The following PDS5B variants were observed in gnomAD, a reference collection of about 807,000 sequenced individuals.
PDS5B encodes the protein sister chromatid cohesion protein PDS5 homolog B.
PDS5B carries 51 observed loss-of-function variants against 184.1 expected under a neutral mutation model. The ratio of observed to expected loss-of-function variants is 0.28; its 90% CI spans 0.22 to 0.35. The LOEUF is 0.35. PDS5B is among the 10% of genes least tolerant of loss of function. The pLI, the probability that PDS5B is intolerant of heterozygous loss-of-function variation, is 1.00. For missense variants in PDS5B, 1,180 were observed against 1,723.3 expected (o/e 0.68, Z 5.58); for synonymous variants, 566 against 569.2 (o/e 0.99, Z 0.08).
chr13:32,700,372 A>G (rs1170053465), intron 16 of PDS5B, among the ~76,000 whole-genome samples: 1 of 152,164 alleles, frequency 6.6e-6, no homozygotes, highest in Admixed American at 6.5e-5. Context: ...GCTAATCACC[A>G]GTAATGAGAG....
chr13:32,768,484 A>G (rs995426309), intron 31 of PDS5B, among the ~76,000 whole-genome samples: 1 of 152,090 alleles, frequency 6.6e-6, no homozygotes, highest in Non-Finnish European at 1.5e-5. Flanking sequence ...GCCACAATTC[A>G]GTCCAAAGCA....
At chr13:32,747,204 A>C (rs1953779262) in intron 24 of PDS5B, among the ~76,000 whole-genome samples, 1 of 152,212 alleles carries the variant, frequency 6.6e-6, no homozygotes, top group Non-Finnish European at 1.5e-5. Context: ...TCACATTAGT[A>C]AATAAAATAC....
intron 30 of PDS5B, chr13:32,763,375 A>G (rs966118596): frequency 2.0e-5 from 3 of 152,894 alleles, no homozygotes; most frequent in East Asian, 1.9e-4. Flanking sequence ...TCAGCGAATC[A>G]TAATCTATGG....
At chr13:32,742,497 A>G (rs1953594233) in intron 22 of PDS5B, 94 bp from the exon 23 acceptor site, 2 of 969,662 alleles carry the variant, frequency 2.1e-6, no homozygotes, top group African/African-American at 1.7e-5. Flanking sequence ...CTTAAAAAGC[A>G]TCCATTAAAT....
At chr13:32,749,523 A>G (rs1953894402) in intron 24 of PDS5B, among the ~76,000 whole-genome samples, 1 of 152,178 alleles carries the variant, frequency 6.6e-6, no homozygotes, top group Non-Finnish European at 1.5e-5. Flanking sequence ...ATATTTTAGA[A>G]CTTGGAATTC....
chr13:32,602,081 T>C (rs1204659547), intron 1 of PDS5B, among the ~76,000 whole-genome samples: 2 of 152,104 alleles, frequency 1.3e-5, no homozygotes, highest in Admixed American at 6.5e-5. Context: ...TTCTTTTTTT[T>C]TTAAATCCTT....
intron 17 of PDS5B, among the ~76,000 whole-genome samples, chr13:32,702,458 A>G (rs1454943078): frequency 6.6e-6 from 1 of 152,194 alleles, no homozygotes. Flanking sequence ...AGGTACTGGC[A>G]AAGCATAGTG....
chr13:32,728,976 C>T (rs373226018), intron 19 of PDS5B, among the ~76,000 whole-genome samples: 13 of 152,124 alleles, frequency 8.5e-5, no homozygotes, highest in African/African-American at 2.9e-4. Context: ...ATGTGCAGAA[C>T]GTGGAGGTTT....
At chr13:32,633,756 A>G (rs1643972808) in intron 1 of PDS5B, among the ~76,000 whole-genome samples, 2 of 152,202 alleles carry the variant, frequency 1.3e-5, no homozygotes, top group Admixed American at 1.3e-4. Context: ...TACAAGGTAC[A>G]TAACTTTGTA....
At chr13:32,640,890 TA>T (rs1035573872) in intron 1 of PDS5B, among the ~76,000 whole-genome samples, 50 of 150,670 alleles carry the variant, frequency 3.3e-4, no homozygotes, top group Non-Finnish European at 6.1e-4. Flanking sequence ...CCATCTCTAC[TA>T]AAAAAAATAC....
chr13:32,648,044 G>A (rs1225253231), intron 1 of PDS5B, among the ~76,000 whole-genome samples: 3 of 152,214 alleles, frequency 2.0e-5, no homozygotes, highest in Admixed American at 6.5e-5. Flanking sequence ...CCCAGCAAGT[G>A]TGCAGGCCCA....
At chr13:32,774,277 A>C (rs1045954818) in intron 34 of PDS5B, among the ~76,000 whole-genome samples, 2 of 152,230 alleles carry the variant, frequency 1.3e-5, no homozygotes, top group Non-Finnish European at 2.9e-5. Context: ...TGTCCTGTTT[A>C]ATGGAATCAG....
rs1953147556 is a variant in PDS5B at position 32,732,234 on chromosome 13, A to G, written c.2247+10A>G. 1 of 1,588,702 alleles carries G rather than the reference A, an allele frequency of 6.3e-7. No homozygotes were observed. Among genetic ancestry groups the G allele is most frequent in the Admixed American group, 1.7e-5 (1 of 57,464 alleles). ...TGCACAGATATTTGAGGTAATGAGA[A>G]AAAAATTTTCTTGTTTATTTCATAT... is the stretch of plus-strand genomic sequence containing the variant. On this transcript the variant is annotated intron_variant, in intron 20 of 34. Transcript: ENST00000315596.
At chr13:32,766,077 T>C (rs1954577680) in intron 31 of PDS5B, among the ~76,000 whole-genome samples, 3 of 152,250 alleles carry the variant, frequency 2.0e-5, no homozygotes, top group Admixed American at 2.0e-4. Flanking sequence ...AAAGGTATTA[T>C]GTCTTCTTAG....
Position 32,764,580 on chromosome 13 carries a change from T to C in PDS5B, c.3610T>C (p.Ser1204Pro). The C allele has an allele frequency of 6.3e-7, 1 of 1,578,068 alleles. No individual in the cohort carries two copies. Among genetic ancestry groups the C allele is most frequent in the Non-Finnish European group, 8.7e-7 (1 of 1,152,364 alleles). The change falls in exon 31 of 35, where the codon TCT becomes CCT. Residue 1204 changes from serine (S) to proline (P), a missense_variant. Coordinates refer to ENST00000315596, the MANE Select transcript of PDS5B (RefSeq NM_015032.4). ...PGKKSDKRDD[S>P]DLVRSELEKP... is the part of the protein sequence containing the mutation. ...GAAAAAAAGTGACAAGAGAGACGAC[T>C]CTGATCTTGTAAGGGTGAGATATTT...
chr13:32,688,101 G>A (rs1289895742), intron 12 of PDS5B, among the ~76,000 whole-genome samples: 1 of 151,858 alleles, frequency 6.6e-6, no homozygotes, highest in Non-Finnish European at 1.5e-5. Context: ...AGAATCTTAA[G>A]AGTTTCTTTA....
intron 19 of PDS5B, among the ~76,000 whole-genome samples, chr13:32,715,371 G>A (rs1011614639): frequency 6.6e-6 from 1 of 152,004 alleles, no homozygotes; most frequent in African/African-American, 2.4e-5. Context: ...ATGCTTTTCC[G>A]TCTGGAACTC....
intron 1 of PDS5B, among the ~76,000 whole-genome samples, chr13:32,594,777 A>G (rs1197611982): frequency 6.6e-6 from 1 of 152,036 alleles, no homozygotes; most frequent in African/African-American, 2.4e-5. Flanking sequence ...GATGTTTCTA[A>G]TCTGTTATGA....
intron 1 of PDS5B, among the ~76,000 whole-genome samples, chr13:32,599,036 C>T (rs1049480214): frequency 3.3e-5 from 5 of 152,170 alleles, no homozygotes; most frequent in African/African-American, 9.6e-5. Context: ...TCCCAAAGTG[C>T]TGGGATTACA....
Sources: allele counts gnomAD v4.1 joint callset (sites outside exome capture counted in the v4.1 genomes callset), GRCh38; gene constraint gnomAD v4.1.1; transcripts MANE v1.5; gene names NCBI Gene and HGNC (gene_info 2026-07-23, HGNC 2026-07-21).